Variants in SLC4A10 observed in about 807,000 individuals in gnomAD.
The protein encoded by SLC4A10 is sodium-driven chloride bicarbonate exchanger.
SLC4A10 carries 42 observed loss-of-function variants against 137.7 expected under a neutral mutation model. The ratio of observed to expected loss-of-function variants is 0.30; its 90% confidence interval spans 0.24 to 0.39. The LOEUF (loss-of-function observed/expected upper bound fraction) is 0.39. SLC4A10 is among the 10% of genes least tolerant of loss of function. The pLI is 1.00. For missense variants in SLC4A10, 925 were observed against 1,355.0 expected (o/e 0.68, Z 4.98); for synonymous variants, 474 against 464.1 (o/e 1.02, Z -0.27).
chr2:161,763,665 C>T (rs2050490962), intron 1 of SLC4A10, among the ~76,000 whole-genome samples: 1 of 152,068 alleles, frequency 6.6e-6, no homozygotes, highest in Non-Finnish European at 1.5e-5. Flanking sequence ...ATACTATGGC[C>T]TAACAGGGGC....
chr2:161,777,124 T>A (rs1027515929), intron 2 of SLC4A10, among the ~76,000 whole-genome samples: 1 of 151,514 alleles, frequency 6.6e-6, no homozygotes, highest in Non-Finnish European at 1.5e-5. Flanking sequence ...ATTTTTAATT[T>A]AAAAAAGTTA....
intron 1 of SLC4A10, 86 bp downstream of exon 1, chr2:161,624,652 G>A (rs2031896437): frequency 6.5e-7 from 1 of 1,538,426 alleles, no homozygotes; most frequent in Admixed American, 2.0e-5. Context: ...GGTGCAGCGA[G>A]TGTACTTTTG....
chr2:161,753,713 T>C (rs1220534864), intron 1 of SLC4A10, among the ~76,000 whole-genome samples: 1 of 152,092 alleles, frequency 6.6e-6, no homozygotes, highest in East Asian at 1.9e-4. Flanking sequence ...GTTATTTCAC[T>C]TTCCTTCTGT....
At chr2:161,851,790 C>T (rs1382831810) in intron 4 of SLC4A10, among the ~76,000 whole-genome samples, 3 of 152,134 alleles carry the variant, frequency 2.0e-5, no homozygotes, top group Admixed American at 6.5e-5. Context: ...TAGAGTTACA[C>T]TTAAGTAGTT....
chr2:161,848,322 C>T (rs1461613004), intron 4 of SLC4A10, among the ~76,000 whole-genome samples: 1 of 152,004 alleles, frequency 6.6e-6, no homozygotes, highest in Non-Finnish European at 1.5e-5. Flanking sequence ...TTTTCTCCTA[C>T]TCTGTAGGTT....
chr2:161,861,885 A>T (rs2060453200), intron 5 of SLC4A10, among the ~76,000 whole-genome samples: 1 of 152,194 alleles, frequency 6.6e-6, no homozygotes, highest in Non-Finnish European at 1.5e-5. Context: ...TTTCACACTG[A>T]AGGAAAACAT....
chr2:161,808,102 A>G (rs1310941572), intron 3 of SLC4A10, among the ~76,000 whole-genome samples: 1 of 152,092 alleles, frequency 6.6e-6, no homozygotes, highest in East Asian at 1.9e-4. Flanking sequence ...AGACACACAT[A>G]TATGCCTTTT....
At chr2:161,637,667 T>A (rs1430874076) in intron 1 of SLC4A10, among the ~76,000 whole-genome samples, 1 of 152,034 alleles carries the variant, frequency 6.6e-6, no homozygotes, top group Non-Finnish European at 1.5e-5. Context: ...GATTGTTGGG[T>A]CATATGACAG....
intron 1 of SLC4A10, among the ~76,000 whole-genome samples, chr2:161,753,295 T>G (rs1241609057): frequency 3.3e-5 from 5 of 152,164 alleles, no homozygotes; most frequent in African/African-American, 4.8e-5. Context: ...ATTAAGCAAT[T>G]AAGCTAAACT....
intron 15 of SLC4A10, among the ~76,000 whole-genome samples, chr2:161,932,438 T>A (rs544211987): frequency 7.2e-5 from 11 of 152,308 alleles, no homozygotes; most frequent in Admixed American, 5.9e-4. Flanking sequence ...TACATTAGAT[T>A]CTACTTTTTA....
chr2:161,872,122 T>C (rs1390123960), intron 6 of SLC4A10, among the ~76,000 whole-genome samples, 171 bp from the exon 7 acceptor site: 2 of 152,214 alleles, frequency 1.3e-5, no homozygotes, highest in African/African-American at 4.8e-5. Flanking sequence ...CTGTTACTGA[T>C]AATAAGAATG....
chr2:161,721,080 C>T (rs1328809488), intron 1 of SLC4A10, among the ~76,000 whole-genome samples: 5 of 152,156 alleles, frequency 3.3e-5, no homozygotes, highest in African/African-American at 4.8e-5. Context: ...CCACCCACCT[C>T]GGCCTCCCAA....
chr2:161,960,441 GT>G, intron 21 of SLC4A10, among the ~76,000 whole-genome samples: 1 of 150,840 alleles, frequency 6.6e-6, no homozygotes, highest in Non-Finnish European at 1.5e-5. Context: ...ATATGAAGAT[GT>G]AGGAAGGCCA....
At chr2:161,659,134 C>T (rs1018158446) in intron 1 of SLC4A10, among the ~76,000 whole-genome samples, 3 of 151,928 alleles carry the variant, frequency 2.0e-5, no homozygotes, top group Non-Finnish European at 4.4e-5. Context: ...ATTACAATAG[C>T]AAAGATATGG....
At chr2:161,670,569 C>A (rs1012981019) in intron 1 of SLC4A10, among the ~76,000 whole-genome samples, 1 of 43,456 alleles carries the variant, frequency 2.3e-5, no homozygotes. Flanking sequence ...CCTTAGTAAC[C>A]TTGTTTATAA....
At chr2:161,876,955 A>C (rs1205555144) in intron 8 of SLC4A10, among the ~76,000 whole-genome samples, 1 of 152,084 alleles carries the variant, frequency 6.6e-6, no homozygotes, top group Non-Finnish European at 1.5e-5. Flanking sequence ...TGAAGTCAAA[A>C]GATGAATTTG....
At chr2:161,974,059 T>G (rs1698992995) in intron 23 of SLC4A10, among the ~76,000 whole-genome samples, 190 bp from the exon 24 acceptor site, 1 of 152,244 alleles carries the variant, frequency 6.6e-6, no homozygotes, top group South Asian at 2.1e-4. Context: ...GTTATGAGAC[T>G]CTCATTAATT....
intron 1 of SLC4A10, among the ~76,000 whole-genome samples, chr2:161,706,864 C>T (rs866165392): frequency 1.1e-4 from 16 of 151,668 alleles, no homozygotes; most frequent in South Asian, 4.1e-4. Flanking sequence ...TGCCTTGCTA[C>T]GGCTTTCATG....
At chr2:161,906,829 C>T (rs536337183) in intron 15 of SLC4A10, among the ~76,000 whole-genome samples, 16 of 151,992 alleles carry the variant, frequency 1.1e-4, no homozygotes, top group South Asian at 4.2e-4. Flanking sequence ...CCGAGGCGGG[C>T]GGATCACGAG....
Sources: gnomAD v4.1 joint callset for allele counts (sites outside exome capture counted in the v4.1 genomes callset) on GRCh38, gnomAD v4.1.1 for gene constraint, MANE v1.5 for transcripts, NCBI Gene and HGNC (gene_info 2026-07-23, HGNC 2026-07-21) for gene names.